Variants in ST8SIA4 observed in about 807,000 individuals in gnomAD.
ST8SIA4 encodes CMP-N-acetylneuraminate-poly-alpha-2,8-sialyltransferase.
ST8SIA4 carries 15 observed loss-of-function variants against 33.9 expected under a neutral mutation model. The ratio of observed to expected loss-of-function variants is 0.44; its 90% CI spans 0.30 to 0.68. ST8SIA4 has a LOEUF of 0.68. Among genes scored for constraint, ST8SIA4 ranks in the 30% least tolerant of loss-of-function variants. The pLI, the probability that ST8SIA4 is intolerant of heterozygous loss-of-function variation, is 0.10. For synonymous variants in ST8SIA4, 171 were observed against 151.2 expected (o/e 1.13, Z -0.96); for missense variants, 321 against 428.0 (o/e 0.75, Z 2.21).
chr5:100,848,231 T>A (rs1751609178), intron 4 of ST8SIA4, among the ~76,000 whole-genome samples: 1 of 151,776 alleles, frequency 6.6e-6, no homozygotes, highest in African/African-American at 2.4e-5. Context: ...CACAGTTGAA[T>A]AAGATTCAGT....
At chr5:100,843,050 G>A (rs116202507) in intron 4 of ST8SIA4, among the ~76,000 whole-genome samples, 3,390 of 151,924 alleles carry the variant, frequency 0.022, 48 homozygotes, top group Non-Finnish European at 0.031. Context: ...AAAGGCCAAG[G>A]AAGCTCCTAT....
At chr5:100,850,551 G>A (rs1309940324) in intron 4 of ST8SIA4, among the ~76,000 whole-genome samples, 1 of 151,480 alleles carries the variant, frequency 6.6e-6, no homozygotes, top group South Asian at 2.1e-4. Flanking sequence ...ATTAGCAGGG[G>A]CCAAAGAATT....
intron 1 of ST8SIA4, among the ~76,000 whole-genome samples, chr5:100,898,210 C>T (rs1018738613): frequency 2.0e-5 from 3 of 152,040 alleles, no homozygotes; most frequent in Non-Finnish European, 4.4e-5. Flanking sequence ...GTTGGCAGTG[C>T]CTACTCAGGA....
At chr5:100,849,607 C>A (rs1288523464) in intron 4 of ST8SIA4, 1 of 237,674 alleles carries the variant, frequency 4.2e-6, no homozygotes, top group East Asian at 1.9e-4. Context: ...ATGGTGAAAC[C>A]CCATCCCTTC....
intron 4 of ST8SIA4, among the ~76,000 whole-genome samples, chr5:100,848,431 A>G (rs111972444): frequency 3.3e-4 from 49 of 150,406 alleles, no homozygotes; most frequent in Middle Eastern, 3.6e-3. Context: ...TATTTACAGT[A>G]TATCTATATA....
intron 4 of ST8SIA4, among the ~76,000 whole-genome samples, chr5:100,852,307 A>T (rs1421716423): frequency 6.6e-6 from 1 of 151,204 alleles, no homozygotes; most frequent in Non-Finnish European, 1.5e-5. Flanking sequence ...TTTTTAGTAG[A>T]GGCGGGGTTT....
intron 4 of ST8SIA4, among the ~76,000 whole-genome samples, chr5:100,841,082 G>C (rs1281682376): frequency 2.6e-5 from 4 of 151,842 alleles, no homozygotes; most frequent in African/African-American, 9.7e-5. Context: ...AGAAAGAAGA[G>C]AGGTTCATAA....
intron 3 of ST8SIA4, among the ~76,000 whole-genome samples, chr5:100,882,836 T>G (rs1580480593): frequency 6.6e-6 from 1 of 152,158 alleles, no homozygotes; most frequent in South Asian, 2.1e-4. Context: ...TGCACAGAAC[T>G]CAAGAAATGG....
rs1344931262 is a variant in ST8SIA4 at position 100,807,875 on chromosome 5, C to T, written c.*3972G>A. ...GTCTATTTGTACTATATAGGTATAT[C>T]TATAGCACATATATAATAAAATATC... On this transcript the variant is annotated 3_prime_UTR_variant, in exon 5 of 5. Coordinates refer to ENST00000231461, the MANE Select transcript of ST8SIA4 (RefSeq NM_005668.6). The T allele has an allele frequency of 2.0e-5, 3 of 152,302 alleles. No individual in the cohort carries two copies. The highest frequency in any genetic ancestry group is 4.8e-5 in the African/African-American group (2 of 41,360). The allele number at this position is 152,302 out of a possible 1,614,324, so 9.4% of individuals were successfully genotyped here.
chr5:100,884,069 G>A (rs1478381829), intron 3 of ST8SIA4, among the ~76,000 whole-genome samples: 1 of 152,138 alleles, frequency 6.6e-6, no homozygotes, highest in Admixed American at 6.5e-5. Flanking sequence ...ACAAAATATG[G>A]AGTAAAAACA....
chr5:100,846,770 A>T (rs1580459761), intron 4 of ST8SIA4, among the ~76,000 whole-genome samples: 1 of 152,250 alleles, frequency 6.6e-6, no homozygotes, highest in African/African-American at 2.4e-5. Context: ...AAAGCCTTTT[A>T]GTCTCAGTGA....
chr5:100,861,093 T>G (rs1474880526), intron 3 of ST8SIA4, among the ~76,000 whole-genome samples: 2 of 152,160 alleles, frequency 1.3e-5, no homozygotes, highest in Non-Finnish European at 2.9e-5. Flanking sequence ...TGGTATACCA[T>G]AATGTAGTAA....
At chr5:100,845,099 G>A (rs1751542980) in intron 4 of ST8SIA4, among the ~76,000 whole-genome samples, 1 of 151,974 alleles carries the variant, frequency 6.6e-6, no homozygotes, top group Non-Finnish European at 1.5e-5. Flanking sequence ...TGGAAGTTGT[G>A]GCCTGAGGCT....
intron 4 of ST8SIA4, among the ~76,000 whole-genome samples, chr5:100,817,935 A>G (rs1750963234): frequency 1.3e-5 from 2 of 152,232 alleles, no homozygotes; most frequent in Admixed American, 1.3e-4. Context: ...ACTAAGAGGT[A>G]GCAATAAGAA....
At chr5:100,889,825 T>C (rs1189163878) in intron 2 of ST8SIA4, among the ~76,000 whole-genome samples, 1 of 151,930 alleles carries the variant, frequency 6.6e-6, no homozygotes, top group East Asian at 1.9e-4. Context: ...AATGTTGTTA[T>C]AGGCTCAGCA....
intron 3 of ST8SIA4, among the ~76,000 whole-genome samples, chr5:100,872,218 A>G (rs976346454): frequency 2.0e-5 from 3 of 152,082 alleles, no homozygotes; most frequent in African/African-American, 7.2e-5. Flanking sequence ...TTGTGTTTAT[A>G]ATTGACACAT....
At chr5:100,849,856 C>T (rs1330948993) in intron 4 of ST8SIA4, among the ~76,000 whole-genome samples, 1 of 152,056 alleles carries the variant, frequency 6.6e-6, no homozygotes, top group Non-Finnish European at 1.5e-5. Context: ...TGTTGTAGGG[C>T]ATGAGATGTT....
chr5:100,886,058 A>T (rs752160304), intron 3 of ST8SIA4: 7 of 1,132,974 alleles, frequency 6.2e-6, no homozygotes, highest in Non-Finnish European at 7.6e-6. Context: ...GTTTGTGTGG[A>T]ATATTAAATT....
At chr5:100,815,565 A>T (rs981586059) in intron 4 of ST8SIA4, among the ~76,000 whole-genome samples, 2 of 151,820 alleles carry the variant, frequency 1.3e-5, no homozygotes, top group African/African-American at 4.8e-5. Flanking sequence ...AATAAATTTG[A>T]TAGCCTCTGT....
Sources: allele counts gnomAD v4.1 joint callset (sites outside exome capture counted in the v4.1 genomes callset), GRCh38; gene constraint gnomAD v4.1.1; transcripts MANE v1.5; gene names NCBI Gene and HGNC (gene_info 2026-07-23, HGNC 2026-07-21).